TRPC1: variants seen among roughly 807,000 people sequenced by gnomAD.
TRPC1 encodes short transient receptor potential channel 1.
Under a neutral mutation model 88.2 loss-of-function variants are expected in TRPC1, and 42 were observed. The ratio of observed to expected loss-of-function variants is 0.48; its 90% CI spans 0.37 to 0.62. The LOEUF (loss-of-function observed/expected upper bound fraction) is 0.62. TRPC1 is among the 20% of genes least tolerant of loss of function. The pLI is 0.00. For synonymous variants in TRPC1, 288 were observed against 331.8 expected (o/e 0.87, Z 1.43); for missense variants, 699 against 957.3 (o/e 0.73, Z 3.56).
chr3:142,724,641 C>G lies in TRPC1; in HGVS notation c.82C>G (p.Pro28Ala). The change falls in exon 1 of 13, where the codon CCG (proline) becomes GCG (alanine). Residue 28 changes from proline (P) to alanine (A), a missense_variant. Physicochemically the swap from Pro to Ala is conservative, Grantham distance 27 (BLOSUM62 -1). This residue lies in a region of TRPC1 where 157 missense variants were observed against 127.0 expected (regional missense o/e 1.24). Coordinates refer to ENST00000476941, the MANE Select transcript of TRPC1 (RefSeq NM_001251845.2). This position sits in a 1 kb window ranked among gnomAD's most constrained non-coding sequence, Gnocchi z 5.6. ...GCCTTCCTCTCCATCCTCTTCCTCG[C>G]CGAACGAGGTGATGGCGCTGAAGGA... is the stretch of plus-strand genomic sequence containing the variant. Reference protein sequence around the residue: ...SLPSSPSSSSPNEVMALKDVR... With the variant: ...SLPSSPSSSSANEVMALKDVR... 1 of 1,612,964 alleles carries G rather than the reference C, an allele frequency of 6.2e-7. No individual in the cohort carries two copies. The highest frequency in any genetic ancestry group is 8.5e-7 in the Non-Finnish European group (1 of 1,179,556).
At chr3:142,802,958 A>G (rs1424886233) in intron 10 of TRPC1, among the ~76,000 whole-genome samples, 3 of 152,174 alleles carry the variant, frequency 2.0e-5, no homozygotes, top group African/African-American at 7.2e-5. Context: ...ATCTTATGTA[A>G]AGAATAAGAT....
In TRPC1 at chr3:142,806,147, G is replaced by T; in HGVS notation, c.2294G>T (p.Arg765Leu). 1 of 1,613,752 alleles carries T rather than the reference G, an allele frequency of 6.2e-7. No individual in the cohort carries two copies. The highest frequency in any genetic ancestry group is 2.2e-5 in the East Asian group (1 of 44,844). ...QATVENLNEL[R>L]QDLSKFRNEI... ...ACTGTGGAAAATCTAAACGAACTGC[G>T]CCAAGATCTGTCAAAATTCCGAAAT... The change falls in exon 13 of 13, where the codon CGC (arginine) becomes CTC (leucine). Residue 765 changes from arginine to leucine, a missense_variant. Around this residue, in one of 4 missense-constraint regions of TRPC1, gnomAD observed 105 missense variants for 141.7 expected, o/e 0.74. Coordinates refer to ENST00000476941, the MANE Select transcript of TRPC1 (RefSeq NM_001251845.2).
chr3:142,745,187 C>T (rs1022243630), intron 3 of TRPC1, among the ~76,000 whole-genome samples: 4 of 152,014 alleles, frequency 2.6e-5, no homozygotes, highest in African/African-American at 9.7e-5. Flanking sequence ...TCTAAAATAC[C>T]ATTCAATTTT....
intron 4 of TRPC1, among the ~76,000 whole-genome samples, chr3:142,773,263 A>C (rs1935639580): frequency 6.6e-6 from 1 of 151,808 alleles, no homozygotes; most frequent in Non-Finnish European, 1.5e-5. Context: ...CCCATGCTGG[A>C]GTGCAGTAGC....
intron 10 of TRPC1, 61 bp from the exon 11 acceptor site, chr3:142,803,912 CAAAT>C: frequency 6.8e-7 from 1 of 1,476,906 alleles, no homozygotes; most frequent in Admixed American, 1.8e-5. Flanking sequence ...TTGATATAAA[CAAAT>C]GATTCATTTT....
intron 3 of TRPC1, among the ~76,000 whole-genome samples, chr3:142,747,433 C>T (rs1187040796): frequency 2.6e-5 from 4 of 152,034 alleles, no homozygotes; most frequent in African/African-American, 7.2e-5. Flanking sequence ...ATGGTATTTT[C>T]CTCATTTCAT....
chr3:142,744,526 A>G (rs1248668003), intron 3 of TRPC1, among the ~76,000 whole-genome samples: 1 of 152,192 alleles, frequency 6.6e-6, no homozygotes, highest in Non-Finnish European at 1.5e-5. Flanking sequence ...AAATGATTAC[A>G]TATATGTACA....
At chr3:142,790,764 A>C (rs917272968) in intron 7 of TRPC1, among the ~76,000 whole-genome samples, 1 of 151,962 alleles carries the variant, frequency 6.6e-6, no homozygotes, top group African/African-American at 2.4e-5. Flanking sequence ...GTTTGGCATT[A>C]ATTTATTTGG....
intron 7 of TRPC1, among the ~76,000 whole-genome samples, chr3:142,788,958 T>A (rs928605145): frequency 1.3e-5 from 2 of 152,194 alleles, no homozygotes; most frequent in African/African-American, 4.8e-5. Flanking sequence ...CTGTCTTTTT[T>A]GATCAACAGT....
chr3:142,775,517 G>A (rs1033764791), intron 4 of TRPC1, among the ~76,000 whole-genome samples: 3 of 152,148 alleles, frequency 2.0e-5, no homozygotes, highest in Non-Finnish European at 4.4e-5. Context: ...TACTTAGGAG[G>A]CTGAGGCAGG....
intron 9 of TRPC1, among the ~76,000 whole-genome samples, chr3:142,795,002 C>A (rs1936408965): frequency 6.6e-6 from 1 of 151,726 alleles, no homozygotes; most frequent in South Asian, 2.1e-4. Flanking sequence ...TTAGTAGAGA[C>A]ATGGAAGATG....
intron 3 of TRPC1, among the ~76,000 whole-genome samples, chr3:142,746,783 G>A (rs980590240): frequency 1.3e-5 from 2 of 151,902 alleles, no homozygotes; most frequent in African/African-American, 2.4e-5. Context: ...GTTCATGGCC[G>A]GGAGGCGGAG....
At chr3:142,781,169 G>T in intron 6 of TRPC1, 140 bp downstream of exon 6, 1 of 577,694 alleles carries the variant, frequency 1.7e-6, no homozygotes. Context: ...GATAGTTATT[G>T]AATCTGTTTG....
At chr3:142,803,738 G>GAACA (rs1343099848) in intron 10 of TRPC1, among the ~76,000 whole-genome samples, 1 of 152,172 alleles carries the variant, frequency 6.6e-6, no homozygotes, top group East Asian at 1.9e-4. Context: ...GCCTTGTTGA[G>GAACA]AACAGAAAGA....
At chr3:142,745,752 A>C (rs1186689385) in intron 3 of TRPC1, among the ~76,000 whole-genome samples, 5 of 151,958 alleles carry the variant, frequency 3.3e-5, no homozygotes, top group South Asian at 2.1e-4. Flanking sequence ...ACCTTCTTTT[A>C]TTTTATTTTA....
chr3:142,772,796 C>T (rs1935623601), intron 4 of TRPC1, among the ~76,000 whole-genome samples: 1 of 151,870 alleles, frequency 6.6e-6, no homozygotes, highest in Non-Finnish European at 1.5e-5. Flanking sequence ...CAAAAAAAAA[C>T]CCAAATTTTG....
At chr3:142,732,886 C>G (rs1933977730) in intron 1 of TRPC1, among the ~76,000 whole-genome samples, 1 of 151,854 alleles carries the variant, frequency 6.6e-6, no homozygotes, top group African/African-American at 2.4e-5. Flanking sequence ...TGTTCTATAA[C>G]TAGCTACTTG....
chr3:142,790,465 T>G (rs1338285955), intron 7 of TRPC1, among the ~76,000 whole-genome samples: 4 of 152,222 alleles, frequency 2.6e-5, no homozygotes, highest in African/African-American at 9.6e-5. Flanking sequence ...AACCTGGTAC[T>G]AGGTTTACTT....
chr3:142,785,069 T>A (rs113171393), intron 7 of TRPC1, 29 bp downstream of exon 7: 15,718 of 1,523,996 alleles, frequency 0.01, 111 homozygotes, highest in Non-Finnish European at 0.012. Context: ...TGAAAGGTTT[T>A]GTCTTTATTT....
Sources: gnomAD v4.1 joint callset for allele counts (sites outside exome capture counted in the v4.1 genomes callset) on GRCh38, gnomAD v4.1.1 for gene constraint, gnomAD v4.1.1 regional missense constraint, Gnocchi (gnomAD v3.1) non-coding constraint, MANE v1.5 for transcripts, NCBI Gene and HGNC (gene_info 2026-07-23, HGNC 2026-07-21) for gene names.